The following RPH3A variants were observed in gnomAD, a reference collection of about 807,000 sequenced individuals.
RPH3A encodes the protein rabphilin-3A.
RPH3A carries 48 observed loss-of-function variants against 102.2 expected under a neutral mutation model. That is an observed-to-expected ratio of 0.47 (90% confidence interval 0.37 to 0.60). RPH3A has a LOEUF of 0.60. RPH3A is among the 20% of genes least tolerant of loss of function. The probability of loss-of-function intolerance (pLI) is 0.00; values close to 1 mark genes in which losing one functional copy is unlikely to be tolerated. For synonymous variants in RPH3A, 310 were observed against 324.3 expected (o/e 0.96, Z 0.47); for missense variants, 781 against 910.1 (o/e 0.86, Z 1.83).
intron 1 of RPH3A, among the ~76,000 whole-genome samples, chr12:112,587,279 A>G (rs534471228): frequency 4.6e-5 from 7 of 152,350 alleles, no homozygotes; most frequent in African/African-American, 1.4e-4. Context: ...ATAAAAATAC[A>G]TATCAGTTTC....
At chr12:112,644,758 A>G (rs1374544065) in intron 1 of RPH3A, among the ~76,000 whole-genome samples, 1 of 152,198 alleles carries the variant, frequency 6.6e-6, no homozygotes, top group African/African-American at 2.4e-5. Flanking sequence ...TGCCATGTAG[A>G]TGAGGTCAAT....
intron 1 of RPH3A, among the ~76,000 whole-genome samples, chr12:112,642,550 A>G (rs894678494): frequency 4.6e-5 from 7 of 152,186 alleles, no homozygotes; most frequent in Non-Finnish European, 5.9e-5. Flanking sequence ...TACAATCAGT[A>G]TGTGGCAGTG....
chr12:112,690,853 C>A (rs912102141), intron 1 of RPH3A, among the ~76,000 whole-genome samples: 9 of 152,028 alleles, frequency 5.9e-5, no homozygotes, highest in Admixed American at 5.9e-4. Flanking sequence ...TTTCACTCAA[C>A]AATGCCTCAT....
chr12:112,679,244 C>T (rs1175857594), intron 1 of RPH3A, among the ~76,000 whole-genome samples: 3 of 152,128 alleles, frequency 2.0e-5, no homozygotes, highest in African/African-American at 7.2e-5. Flanking sequence ...ACCTCTGCCT[C>T]CTGGGTTCAA....
intron 1 of RPH3A, among the ~76,000 whole-genome samples, chr12:112,633,162 T>A (rs1301460904): frequency 2.0e-5 from 3 of 152,168 alleles, no homozygotes; most frequent in Non-Finnish European, 4.4e-5. Flanking sequence ...ATCATGCTGC[T>A]GCACTCTAGC....
At chr12:112,843,696 A>C (rs1224987261) in intron 4 of RPH3A, among the ~76,000 whole-genome samples, 2 of 152,122 alleles carry the variant, frequency 1.3e-5, no homozygotes, top group Admixed American at 1.3e-4. Context: ...CTAGAATCTC[A>C]CATGTGTTCA....
At chr12:112,822,300 G>T (rs1047726536) in intron 2 of RPH3A, among the ~76,000 whole-genome samples, 1 of 152,226 alleles carries the variant, frequency 6.6e-6, no homozygotes, top group Non-Finnish European at 1.5e-5. Flanking sequence ...TGAACTCCAC[G>T]CAGACAGCTG....
intron 1 of RPH3A, among the ~76,000 whole-genome samples, chr12:112,734,139 T>C (rs1265260001): frequency 6.6e-6 from 1 of 152,256 alleles, no homozygotes; most frequent in Non-Finnish European, 1.5e-5. Flanking sequence ...GGACCTCATA[T>C]ATGATGGTGG....
chr12:112,873,276 A>T (rs995564900), intron 10 of RPH3A, among the ~76,000 whole-genome samples: 1 of 152,240 alleles, frequency 6.6e-6, no homozygotes, highest in Non-Finnish European at 1.5e-5. Context: ...TTCACATAAT[A>T]GATGCAGCAA....
At chr12:112,712,880 T>TTCTTCTTCTTCTTCTTCC (rs2040473227) in intron 1 of RPH3A, among the ~76,000 whole-genome samples, 3 of 125,152 alleles carry the variant, frequency 2.4e-5, no homozygotes, top group African/African-American at 1.3e-4. Context: ...TCACTTTTTT[T>TTCTTCTTCTTCTTCTTCC]TCTTCTTCTT....
intron 2 of RPH3A, among the ~76,000 whole-genome samples, chr12:112,801,185 C>A (rs935644080): frequency 2.0e-5 from 3 of 152,162 alleles, no homozygotes; most frequent in African/African-American, 7.2e-5. Flanking sequence ...CCTCTCTGAT[C>A]TGATCTGAAC....
intron 1 of RPH3A, among the ~76,000 whole-genome samples, chr12:112,757,974 T>G (rs939511096): frequency 6.6e-6 from 1 of 152,206 alleles, no homozygotes; most frequent in Non-Finnish European, 1.5e-5. Context: ...ACCATCCTGC[T>G]GTGGCAGCTG....
rs550977576 is a variant in RPH3A, at chr12:112,838,966, T to C, written c.83+2464T>C. Among the ~76,000 whole-genome samples, 13 of 152,262 alleles carry C rather than the reference T, an allele frequency of 8.5e-5. No individual in the cohort carries two copies. In the South Asian group the frequency reaches 2.5e-3, roughly 29 times the overall value. ...AGAGCAGGTGCCTTCAGGTAGCAGA[T>C]GAAGCACATTGAGAAGGCCGGGGCC... is the stretch of plus-strand genomic sequence containing the variant. On this transcript the variant is annotated intron_variant, in intron 4 of 21. Coordinates refer to ENST00000389385, the MANE Select transcript of RPH3A (RefSeq NM_001143854.2).
rs139721594 is a variant in RPH3A at position 112,859,865 on chromosome 12, C to T, written c.231-5549C>T. ...AGACCATACATTTTGGGAACATTCC[C>T]CCCACACAGTGGCTCTCAACAGGAC... On this transcript the variant is annotated intron_variant, in intron 5 of 21. Coordinates refer to ENST00000389385, the MANE Select transcript of RPH3A (RefSeq NM_001143854.2). Among the ~76,000 whole-genome samples, 804 of 152,320 alleles carry T rather than the reference C, an allele frequency of 5.3e-3. 12 individuals are homozygous for T. The highest frequency in any genetic ancestry group is 0.018 in the African/African-American group (734 of 41,584).
chr12:112,792,937 A>G (rs923715779), intron 2 of RPH3A, among the ~76,000 whole-genome samples: 6 of 152,090 alleles, frequency 3.9e-5, no homozygotes, highest in Admixed American at 2.6e-4. Context: ...TTATTTTCAC[A>G]GGTGGCGTAA....
At chr12:112,713,098 T>TTCTTCC (rs2040491027) in intron 1 of RPH3A, among the ~76,000 whole-genome samples, 2 of 137,342 alleles carry the variant, frequency 1.5e-5, no homozygotes, top group African/African-American at 5.3e-5. Flanking sequence ...CTTCTTCTTC[T>TTCTTCC]TCTTTTATTT....
chr12:112,753,574 TA>T (rs1434865352), intron 1 of RPH3A, among the ~76,000 whole-genome samples: 2 of 152,142 alleles, frequency 1.3e-5, no homozygotes, highest in African/African-American at 4.8e-5. Context: ...TGGTGAAAAA[TA>T]AAGTATTATT....
In RPH3A at chr12:112,881,772, G is replaced by A; in HGVS notation, c.1252G>A (p.Gly418Ser). 1.9e-6 allele frequency: 3 copies of A among 1,609,560 alleles called. No homozygotes were observed. The highest frequency in any genetic ancestry group is 2.5e-6 in the Non-Finnish European group (3 of 1,177,348). Residue 418 changes from glycine to serine, a missense_variant and splice_region_variant, in exon 15 of 22, where the codon GGC (glycine) becomes AGC (serine). This residue lies in a region of RPH3A where 730 missense variants were observed against 810.0 expected (regional missense o/e 0.90). Transcript: ENST00000389385. ...SLQCTIIKAK[G>S]LKPMDSNGLA... ...ACACCATTGCCTCCTTCTCTTGCAG[G>A]GCCTGAAGCCCATGGATTCAAACGG... is the stretch of plus-strand genomic sequence containing the variant.
intron 1 of RPH3A, among the ~76,000 whole-genome samples, chr12:112,616,427 G>A (rs1340301943): frequency 1.3e-5 from 2 of 152,212 alleles, no homozygotes; most frequent in Admixed American, 6.5e-5. Context: ...GATTGCAGGT[G>A]TGAGCCACCG....
Sources: gnomAD v4.1 joint callset for allele counts (sites outside exome capture counted in the v4.1 genomes callset) on GRCh38, gnomAD v4.1.1 for gene constraint, gnomAD v4.1.1 regional missense constraint, MANE v1.5 for transcripts, NCBI Gene and HGNC (gene_info 2026-07-23, HGNC 2026-07-21) for gene names.